The following MECOM variants were observed in gnomAD, a reference collection of about 807,000 sequenced individuals.
The protein encoded by MECOM is MDS1 and EVI1 complex locus, also known as histone-lysine N-methyltransferase MECOM.
MECOM carries 13 observed loss-of-function variants against 116.3 expected under a neutral mutation model. The observed-to-expected ratio is 0.11, with a 90% CI of 0.07 to 0.18. The LOEUF (loss-of-function observed/expected upper bound fraction) is 0.18. MECOM is among the 10% of genes least tolerant of loss of function. The probability of loss-of-function intolerance (pLI) is 1.00; values close to 1 mark genes in which losing one functional copy is unlikely to be tolerated. For missense variants in MECOM, 1,299 were observed against 1,509.0 expected (o/e 0.86, Z 2.31); for synonymous variants, 528 against 535.2 (o/e 0.99, Z 0.19).
chr3:169,479,626 G>A (rs572522397), intron 1 of MECOM, among the ~76,000 whole-genome samples: 10 of 131,528 alleles, frequency 7.6e-5, no homozygotes, highest in South Asian at 2.5e-4. Flanking sequence ...TGAATGAAAC[G>A]TCTCATTTTC....
At chr3:169,301,138 A>G (rs1716645437) in intron 2 of MECOM, among the ~76,000 whole-genome samples, 1 of 152,204 alleles carries the variant, frequency 6.6e-6, no homozygotes, top group Admixed American at 6.5e-5. Flanking sequence ...TTAGATAATA[A>G]CATATCTCAT....
At position 169,438,844 on chromosome 3, in the gene MECOM, T is replaced by TATTTATTA. The variant is rs1743143437; in HGVS notation, c.38-57328_38-57321dup. Among the ~76,000 whole-genome samples the TATTTATTA allele has an allele frequency of 2.0e-5, 3 of 152,218 alleles. No homozygotes were observed. The South Asian group carries it at 6.2e-4, about 32-fold the overall frequency. ...CTTTTTATTAATCTTCTGTCCATAG[T>TATTTATTA]ATTTATTAATTCATTATTTTCAACC... is the stretch of plus-strand genomic sequence containing the variant. On this transcript the variant is annotated intron_variant, in intron 1 of 16. Transcript: ENST00000651503.
At chr3:169,163,070 T>A (rs1415748807) in intron 2 of MECOM, among the ~76,000 whole-genome samples, 2 of 152,170 alleles carry the variant, frequency 1.3e-5, no homozygotes, top group Non-Finnish European at 2.9e-5. Flanking sequence ...CACTTTTAAA[T>A]CATAAGCATA....
chr3:169,391,387 C>A (rs1734169247), intron 1 of MECOM, among the ~76,000 whole-genome samples: 1 of 152,118 alleles, frequency 6.6e-6, no homozygotes, highest in African/African-American at 2.4e-5. Context: ...TACCCCATTG[C>A]AAGCACAGTA....
At chr3:169,491,620 G>A (rs1332070272) in intron 1 of MECOM, among the ~76,000 whole-genome samples, 1 of 152,058 alleles carries the variant, frequency 6.6e-6, no homozygotes, top group Non-Finnish European at 1.5e-5. Context: ...TAGACTAAGA[G>A]GAAACCATAT....
chr3:169,459,107 A>T (rs1217072608), intron 1 of MECOM, among the ~76,000 whole-genome samples: 1 of 152,226 alleles, frequency 6.6e-6, no homozygotes, highest in Non-Finnish European at 1.5e-5. Flanking sequence ...TGTGCTTGGG[A>T]AATCCAAGTG....
chr3:169,383,631 A>G (rs975313272), intron 1 of MECOM, among the ~76,000 whole-genome samples: 3 of 152,094 alleles, frequency 2.0e-5, no homozygotes, highest in Non-Finnish European at 4.4e-5. Flanking sequence ...TCTTTCCACT[A>G]TCCATCAACA....
At chr3:169,352,517 T>C (rs1316002614) in intron 2 of MECOM, among the ~76,000 whole-genome samples, 1 of 151,902 alleles carries the variant, frequency 6.6e-6, no homozygotes, top group East Asian at 1.9e-4. Flanking sequence ...TGCAATATTT[T>C]TTTTCTGAAA....
rs111414199 is a variant in MECOM at position 169,356,233 on chromosome 3, C to T, written c.375+24954G>A. Among the ~76,000 whole-genome samples, 384 of 151,898 alleles carry T rather than the reference C, an allele frequency of 2.5e-3. 1 individual carries two copies. Among genetic ancestry groups the T allele is most frequent in the Non-Finnish European group, 4.1e-3 (279 of 67,866 alleles). On this transcript the variant is annotated intron_variant, in intron 2 of 16. Transcript: ENST00000651503. ...AAAGAAAAACAATTACTGTGAGATA[C>T]TTTGAGATTCAAGACTTGGGGTACA...
chr3:169,145,152 AC>A, intron 2 of MECOM: 1 of 364,156 alleles, frequency 2.7e-6, no homozygotes. Context: ...AAACACACAC[AC>A]ACACACACAC....
chr3:169,510,825 G>C (rs1175652140), intron 1 of MECOM, among the ~76,000 whole-genome samples: 3 of 152,156 alleles, frequency 2.0e-5, no homozygotes, highest in African/African-American at 7.2e-5. Flanking sequence ...GGGAGAGGGG[G>C]GCAAATTTAG....
chr3:169,378,505 GAAAGAAAGA>G (rs1237423590), intron 2 of MECOM, among the ~76,000 whole-genome samples: 4 of 23,408 alleles, frequency 1.7e-4, no homozygotes, highest in African/African-American at 5.4e-4. Context: ...AAGAAAGAAA[GAAAGAAAGA>G]AAAGAAAGAA....
At chr3:169,265,145 A>G (rs1017678908) in intron 2 of MECOM, among the ~76,000 whole-genome samples, 1 of 152,206 alleles carries the variant, frequency 6.6e-6, no homozygotes, top group Non-Finnish European at 1.5e-5. Flanking sequence ...ATATATGGTA[A>G]ATAATGGCAT....
chr3:169,625,904 G>C (rs1771310710), intron 1 of MECOM, among the ~76,000 whole-genome samples: 1 of 152,162 alleles, frequency 6.6e-6, no homozygotes, highest in Admixed American at 6.5e-5. Context: ...TCCCATTTCA[G>C]ACCCAACTCA....
At chr3:169,170,925 T>C (rs932720448) in intron 2 of MECOM, among the ~76,000 whole-genome samples, 1 of 152,242 alleles carries the variant, frequency 6.6e-6, no homozygotes, top group Non-Finnish European at 1.5e-5. Flanking sequence ...GGGCAGTGTT[T>C]CATTTATACA....
chr3:169,504,679 G>T (rs1198036116), intron 1 of MECOM, among the ~76,000 whole-genome samples: 1 of 152,116 alleles, frequency 6.6e-6, no homozygotes, highest in Non-Finnish European at 1.5e-5. Context: ...CTTGTGGGAT[G>T]CTATCAAAGG....
chr3:169,311,789 A>G (rs1225742693), intron 2 of MECOM, among the ~76,000 whole-genome samples: 1 of 152,228 alleles, frequency 6.6e-6, no homozygotes, highest in Non-Finnish European at 1.5e-5. Flanking sequence ...TACTTTACTA[A>G]AAGACAAGCT....
At chr3:169,577,737 A>G (rs572207557) in intron 1 of MECOM, among the ~76,000 whole-genome samples, 1 of 152,282 alleles carries the variant, frequency 6.6e-6, no homozygotes, top group South Asian at 2.1e-4. Context: ...ACTAATTTGC[A>G]TATTTTCCAT....
chr3:169,271,428 C>T (rs1758930353), intron 2 of MECOM, among the ~76,000 whole-genome samples: 1 of 152,140 alleles, frequency 6.6e-6, no homozygotes, highest in African/African-American at 2.4e-5. Context: ...GAGAAAGCCA[C>T]AAAAGGAAAA....
Sources: allele counts gnomAD v4.1 joint callset (sites outside exome capture counted in the v4.1 genomes callset), GRCh38; gene constraint gnomAD v4.1.1; transcripts MANE v1.5; gene names NCBI Gene and HGNC (gene_info 2026-07-23, HGNC 2026-07-21).